The following CNTN6 variants were observed in gnomAD, a reference collection of about 807,000 sequenced individuals.
The protein encoded by CNTN6 is contactin-6.
CNTN6 carries 137 observed loss-of-function variants against 122.8 expected under a neutral mutation model. That is an observed-to-expected ratio of 1.12 (90% CI 0.97 to 1.29). The LOEUF (loss-of-function observed/expected upper bound fraction) is 1.29, where lower values mean the gene tolerates loss of function less well. Ranked by LOEUF, CNTN6 falls within the 50% of genes most tolerant of loss-of-function variation. The pLI is 0.00. For synonymous variants in CNTN6, 570 were observed against 426.0 expected (o/e 1.34, Z -4.16); for missense variants, 1,634 against 1,223.4 (o/e 1.34, Z -5.01).
At chr3:1,293,295 C>T (rs1695643671) in intron 5 of CNTN6, among the ~76,000 whole-genome samples, 1 of 150,910 alleles carries the variant, frequency 6.6e-6, no homozygotes, top group Non-Finnish European at 1.5e-5. Flanking sequence ...AATCTCATTC[C>T]TTTAAGTATG....
At chr3:1,300,031 C>G (rs995961687) in intron 7 of CNTN6, among the ~76,000 whole-genome samples, 2 of 151,988 alleles carry the variant, frequency 1.3e-5, no homozygotes, top group Non-Finnish European at 2.9e-5. Context: ...GGCTGGAGTG[C>G]AGTGGCTTGA....
At chr3:1,183,139 C>A (rs770992192) in intron 2 of CNTN6, among the ~76,000 whole-genome samples, 2 of 151,988 alleles carry the variant, frequency 1.3e-5, no homozygotes, top group African/African-American at 4.8e-5. Context: ...TTAAAGGCAA[C>A]GCATAATGCC....
intron 11 of CNTN6, among the ~76,000 whole-genome samples, chr3:1,335,655 C>T (rs920236160): frequency 2.6e-5 from 4 of 151,958 alleles, no homozygotes; most frequent in African/African-American, 4.8e-5. Context: ...TTGGTCATAG[C>T]GGACATACAA....
At chr3:1,218,352 A>C (rs73002315) in intron 2 of CNTN6, among the ~76,000 whole-genome samples, 10,536 of 152,118 alleles carry the variant, frequency 0.069, 443 homozygotes, top group Non-Finnish European at 0.1. Flanking sequence ...AAGATGTGAG[A>C]AAGCGAGAAA....
intron 2 of CNTN6, among the ~76,000 whole-genome samples, chr3:1,178,718 T>C (rs2093498856): frequency 6.6e-6 from 1 of 152,206 alleles, no homozygotes; most frequent in Non-Finnish European, 1.5e-5. Context: ...TTTTTACTTC[T>C]GATAGGTCGT....
chr3:1,205,017 C>T lies in CNTN6; in HGVS notation c.56-15670C>T, dbSNP rs58445416. 4.2e-3 allele frequency among the ~76,000 whole-genome samples: 642 copies of T among 151,978 alleles called. 4 individuals carry two copies. The highest frequency in any genetic ancestry group is 0.015 in the African/African-American group (602 of 41,428). ...GATTATTTTGGATTAGCTGGGGAGG[C>T]CTTTGAAGTAGAAGAGGGAGGTAGA... On this transcript the variant is annotated intron_variant, in intron 2 of 22. Transcript: ENST00000446702.
chr3:1,401,692 A>G lies in CNTN6; in HGVS notation c.2817+147A>G. 4.9e-6 allele frequency: 3 copies of G among 607,126 alleles called. No homozygotes were observed. In the South Asian group the frequency reaches 6.3e-5, roughly 13 times the overall value. The allele number at this position is 607,126 out of a possible 1,614,324, so 37.6% of individuals were successfully genotyped here. Reference sequence around the variant, plus strand: ...TTTGAAAATACCATTGCTGCTTTCTAATTTTCCATTGAAAATGTTTTACAT... The same window carrying G: ...TTTGAAAATACCATTGCTGCTTTCTGATTTTCCATTGAAAATGTTTTACAT... On this transcript the variant is annotated intron_variant, in intron 21 of 22. Transcript: ENST00000446702.
chr3:1,142,986 A>ATATATATG (rs1559389079), intron 1 of CNTN6, among the ~76,000 whole-genome samples: 147 of 144,308 alleles, frequency 1.0e-3, no homozygotes, highest in African/African-American at 3.6e-3. Context: ...ATATATATAT[A>ATATATATG]TATATATATA....
chr3:1,327,509 C>A lies in CNTN6; in HGVS notation c.1136C>A (p.Ser379Ter). 1 of 1,610,882 alleles carries A rather than the reference C, an allele frequency of 6.2e-7. No individual in the cohort carries two copies. The highest frequency in any genetic ancestry group is 1.1e-5 in the South Asian group (1 of 90,972). ...CTCATCATAACGATGCTGAATGTGT[C>A]AGATTCTGGTGTGTACCAATGTGCT... ...GTLIITMLNV[S>*]DSGVYQCAAE... Residue 379 changes from serine (S) to a stop codon, truncating the protein, a stop_gained, in exon 10 of 23, where the codon TCA becomes TAA. Transcript: ENST00000446702. LOFTEE classifies it high-confidence loss of function.
chr3:1,243,341 T>C (rs182668131), intron 4 of CNTN6, among the ~76,000 whole-genome samples: 2,357 of 152,260 alleles, frequency 0.015, 118 homozygotes, highest in Admixed American at 0.091. Context: ...GAAGTTCTTG[T>C]GTGCTGGAGA....
chr3:1,251,866 AC>A (rs2094676358), intron 4 of CNTN6, among the ~76,000 whole-genome samples: 1 of 152,166 alleles, frequency 6.6e-6, no homozygotes, highest in Non-Finnish European at 1.5e-5. Context: ...ACTGCTTGAT[AC>A]TTAGTTCTGA....
chr3:1,333,961 T>A (rs1012995936), intron 11 of CNTN6, among the ~76,000 whole-genome samples: 4 of 152,118 alleles, frequency 2.6e-5, no homozygotes, highest in African/African-American at 7.2e-5. Flanking sequence ...TTTGATGTGT[T>A]GATAATTCAG....
chr3:1,117,641 C>T (rs1489400616), intron 1 of CNTN6, among the ~76,000 whole-genome samples: 8 of 152,112 alleles, frequency 5.3e-5, no homozygotes, highest in African/African-American at 1.9e-4. Flanking sequence ...TGGAGAGTTC[C>T]AAGCTTCTCT....
In CNTN6 at chr3:1,254,465, G is replaced by GT. The variant is rs1484082332; in HGVS notation, c.359-23942dup. The stretch of plus-strand genomic sequence containing the variant: ...AGGAATGAGAATAAAATTTAATCCT[G>GT]TTTTTTCAGGAACAATACACTATAA... On this transcript the variant is annotated intron_variant, in intron 4 of 22. Transcript: ENST00000446702. Among the ~76,000 whole-genome samples, 3 of 152,198 alleles carry GT rather than the reference G, an allele frequency of 2.0e-5. No homozygotes were observed. The South Asian group carries it at 6.2e-4, about 32-fold the overall frequency.
chr3:1,233,889 A>G (rs1202713879), intron 4 of CNTN6, among the ~76,000 whole-genome samples: 1 of 152,126 alleles, frequency 6.6e-6, no homozygotes, highest in Non-Finnish European at 1.5e-5. Flanking sequence ...ATCATATACA[A>G]TGGAGTGAAC....
chr3:1,218,832 C>A (rs2094165233), intron 2 of CNTN6, among the ~76,000 whole-genome samples: 1 of 152,068 alleles, frequency 6.6e-6, no homozygotes, highest in Non-Finnish European at 1.5e-5. Flanking sequence ...AAATACCAAT[C>A]TCTAATAAAG....
intron 19 of CNTN6, among the ~76,000 whole-genome samples, chr3:1,384,754 TATATAC>T (rs1692541583): frequency 3.7e-5 from 5 of 135,178 alleles, no homozygotes; most frequent in Admixed American, 7.7e-5. Flanking sequence ...TATACACATA[TATATAC>T]ATATATATAC....
chr3:1,310,667 AGAAGAGATTATG>A (rs1699083538), intron 7 of CNTN6, among the ~76,000 whole-genome samples: 1 of 152,090 alleles, frequency 6.6e-6, no homozygotes, highest in Non-Finnish European at 1.5e-5. Flanking sequence ...TCCATTTTCT[AGAAGAGATTATG>A]TACATAAAGA....
chr3:1,228,079 A>G (rs60719807), intron 4 of CNTN6, 86 bp downstream of exon 4: 115,435 of 1,307,228 alleles, frequency 0.088, 7,165 homozygotes, highest in African/African-American at 0.28. Flanking sequence ...TAGCTTTGCC[A>G]ATGATATATT....
Sources: allele counts gnomAD v4.1 joint callset (sites outside exome capture counted in the v4.1 genomes callset), GRCh38; gene constraint gnomAD v4.1.1; transcripts MANE v1.5; gene names NCBI Gene and HGNC (gene_info 2026-07-23, HGNC 2026-07-21).